Variants in CDK13 observed in about 807,000 individuals in gnomAD.
The protein encoded by CDK13 is cyclin dependent kinase 13.
Under a neutral mutation model 137.6 loss-of-function variants are expected in CDK13, and 40 were observed. The ratio of observed to expected loss-of-function variants is 0.29; its 90% CI spans 0.23 to 0.38. CDK13 has a LOEUF of 0.38. CDK13 is among the 10% of genes least tolerant of loss of function. The probability of loss-of-function intolerance (pLI) is 1.00; values close to 1 mark genes in which losing one functional copy is unlikely to be tolerated. For missense variants in CDK13, 1,704 were observed against 1,951.8 expected, an observed-to-expected ratio of 0.87 and a Z score of 2.39; for synonymous variants, 869 against 760.1, an observed-to-expected ratio of 1.14 and a Z score of -2.36.
Position 39,950,871 on chromosome 7 carries a change from C to T in CDK13, c.230C>T (p.Ser77Phe), listed in dbSNP as rs1787141149. 2 of 1,367,618 alleles carry T rather than the reference C, an allele frequency of 1.5e-6. No homozygotes were observed. Among genetic ancestry groups the T allele is most frequent in the East Asian group, 3.1e-5 (1 of 32,746 alleles). 84.7% of individuals were successfully genotyped at this position (1,367,618 alleles called of 1,614,324 possible). The change falls in exon 1 of 14, where the codon TCC (serine) becomes TTC (phenylalanine). Residue 77 changes from serine to phenylalanine, a missense_variant. Ser to Phe is a radical substitution (Grantham distance 155, BLOSUM62 -2). Transcript: ENST00000181839. ...AAAAAAAAAA[S>F]SSCFSPGPPL... ...GCCGCAGCCGCCGCCGCCGCGGCCT[C>T]CTCCTCTTGCTTCAGCCCGGGCCCC...
intron 1 of CDK13, among the ~76,000 whole-genome samples, chr7:39,971,675 G>A (rs965385414): frequency 2.0e-5 from 3 of 150,674 alleles, no homozygotes; most frequent in African/African-American, 7.3e-5. Context: ...ACGAGGTCAG[G>A]AGTTCGAGAC....
chr7:40,094,740 T>C lies in CDK13; in HGVS notation c.4299T>C (p.Pro1433=). The C allele has an allele frequency of 6.2e-7, 1 of 1,614,118 alleles. No homozygotes were observed. Among genetic ancestry groups the C allele is most frequent in the Non-Finnish European group, 8.5e-7 (1 of 1,179,966 alleles). Residue 1433 remains proline, a synonymous_variant, in exon 14 of 14, where the codon CCT becomes CCC. Coordinates refer to ENST00000181839, the MANE Select transcript of CDK13 (RefSeq NM_003718.5). ...KDHRFEYSHG[P]IAVLANSSDP... is the part of the protein sequence containing the mutation. ...ATAGATTTGAATATAGCCATGGTCC[T>C]ATTGCAGTCCTGGCAAACAGCAGTG...
chr7:40,034,473 T>G (rs890032615), intron 5 of CDK13, among the ~76,000 whole-genome samples: 1 of 152,202 alleles, frequency 6.6e-6, no homozygotes, highest in Non-Finnish European at 1.5e-5. Flanking sequence ...TATATTTTAC[T>G]TTTCTTATTA....
chr7:40,022,802 G>A (rs981687108), intron 5 of CDK13, among the ~76,000 whole-genome samples: 8 of 151,148 alleles, frequency 5.3e-5, no homozygotes, highest in Non-Finnish European at 7.4e-5. Context: ...TTGTTTTCTA[G>A]CAATTACAGA....
intron 4 of CDK13, among the ~76,000 whole-genome samples, chr7:40,000,752 A>G (rs955559567): frequency 9.2e-5 from 14 of 152,240 alleles, no homozygotes; most frequent in Admixed American, 9.2e-4. Flanking sequence ...GGCATTCCAT[A>G]AAAATTAATA....
chr7:39,962,755 A>C (rs1188963034), intron 1 of CDK13, among the ~76,000 whole-genome samples: 1 of 151,556 alleles, frequency 6.6e-6, no homozygotes, highest in East Asian at 1.9e-4. Context: ...CTAGGCTTTT[A>C]GGTCTAACAT....
chr7:40,063,005 G>T lies in CDK13; in HGVS notation c.2703-18G>T. Reference sequence around the variant, plus strand: ...TTAAAATAGATCATTTGGTAATGACGGGTATTTTTTCCATTAGCTGTATCC... The same window carrying T: ...TTAAAATAGATCATTTGGTAATGACTGGTATTTTTTCCATTAGCTGTATCC... On this transcript the variant is annotated intron_variant, in intron 8 of 13. Transcript: ENST00000181839. 6.2e-7 allele frequency: 1 copy of T among 1,610,650 alleles called. No homozygotes were observed. The highest frequency in any genetic ancestry group is 1.1e-5 in the South Asian group (1 of 90,978).
At chr7:40,012,783 G>T (rs1441600867) in intron 5 of CDK13, among the ~76,000 whole-genome samples, 2 of 151,058 alleles carry the variant, frequency 1.3e-5, no homozygotes, top group African/African-American at 2.4e-5. Flanking sequence ...GCAGTGGTGG[G>T]CGCCTGTAAT....
At chr7:40,022,392 A>G (rs555346355) in intron 5 of CDK13, among the ~76,000 whole-genome samples, 32 of 152,298 alleles carry the variant, frequency 2.1e-4, no homozygotes, top group Admixed American at 6.5e-4. Context: ...TTCTCTTCCA[A>G]TACTCATACT....
chr7:39,976,323 T>TCTCTCTCTCTCTCTCTCTCACACACACA, intron 1 of CDK13, among the ~76,000 whole-genome samples: 17 of 39,570 alleles, frequency 4.3e-4, no homozygotes, highest in South Asian at 1.2e-3. Context: ...TCTCTCTCTC[T>TCTCTCTCTCTCTCTCTCTCACACACACA]CACACACACA....
chr7:39,976,710 A>G (rs866142858), intron 1 of CDK13, among the ~76,000 whole-genome samples: 3 of 152,160 alleles, frequency 2.0e-5, no homozygotes, highest in African/African-American at 7.2e-5. Flanking sequence ...TAGGCACAGT[A>G]AGAGATTAAC....
rs58010602 is a variant in CDK13, at chr7:40,024,645, G to GTTTTTTTTTTTTT, written c.2354-21170_2354-21158dup. On this transcript the variant is annotated intron_variant, in intron 5 of 13. Coordinates refer to ENST00000181839, the MANE Select transcript of CDK13 (RefSeq NM_003718.5). ...TCTTCCAAGATATCTGTAGCTCTGT[G>GTTTTTTTTTTTTT]TTTTTTTTTTTTTTTTTTTTTTTTT... Among the ~76,000 whole-genome samples the GTTTTTTTTTTTTT allele has an allele frequency of 3.8e-4, 19 of 50,280 alleles. 2 individuals carry two copies. The highest frequency in any genetic ancestry group is 1.6e-3 in the African/African-American group (19 of 11,966). The allele number at this position is 50,280 out of a possible 152,430, so 33.0% of individuals were successfully genotyped here.
rs150544209 is a variant in CDK13 at position 40,002,114 on chromosome 7, T to C, written c.2353+83T>C. On this transcript the variant is annotated intron_variant, in intron 5 of 13. Coordinates refer to ENST00000181839, the MANE Select transcript of CDK13 (RefSeq NM_003718.5). The stretch of plus-strand genomic sequence containing the variant: ...TGGAAATTTTTTTTATAGATGTGAC[T>C]ATTTGAGTAATTACAAACTATTGCT... The C allele has an allele frequency of 2.6e-4, 224 of 864,126 alleles. No homozygotes were observed. In the African/African-American group the frequency reaches 3.4e-3, roughly 13 times the overall value. The allele number at this position is 864,126 out of a possible 1,614,324, so 53.5% of individuals were successfully genotyped here.
chr7:39,966,508 A>T (rs562729553), intron 1 of CDK13, among the ~76,000 whole-genome samples: 15 of 152,004 alleles, frequency 9.9e-5, no homozygotes, highest in African/African-American at 3.6e-4. Context: ...TTAGCCATTC[A>T]TCTAATTTTT....
intron 5 of CDK13, among the ~76,000 whole-genome samples, chr7:40,016,802 C>G (rs1296845286): frequency 6.6e-6 from 1 of 152,036 alleles, no homozygotes; most frequent in Non-Finnish European, 1.5e-5. Flanking sequence ...TTAAACGATA[C>G]AAACTTTTTA....
rs199544234 is a variant in CDK13, at chr7:40,078,069, A to G, written c.2845A>G (p.Thr949Ala). The stretch of plus-strand genomic sequence containing the variant: ...TGTAATCAAACTACCATATTTCAAC[A>G]CCATGAAACCAAAGAAGCAATATCG... Reference protein sequence around the residue: ...PDVIKLPYFNTMKPKKQYRRK... With the variant: ...PDVIKLPYFNAMKPKKQYRRK... The change falls in exon 10 of 14, where the codon ACC (threonine) becomes GCC (alanine). Residue 949 changes from threonine to alanine, a missense_variant. This residue lies in a region of CDK13 where 130 missense variants were observed against 362.4 expected (regional missense o/e 0.36). Coordinates refer to ENST00000181839, the MANE Select transcript of CDK13 (RefSeq NM_003718.5). 4 of 1,604,372 alleles carry G rather than the reference A, an allele frequency of 2.5e-6. No homozygotes were observed. The highest frequency in any genetic ancestry group is 3.5e-5 in the Admixed American group (2 of 57,412).
rs17538188 is a variant in CDK13 at position 40,078,551 on chromosome 7, G to A, written c.2898-169G>A. 3.8e-3 allele frequency: 1,176 copies of A among 310,726 alleles called. 5 individuals are homozygous for A. Among genetic ancestry groups the A allele is most frequent in the Middle Eastern group, 7.6e-3 (8 of 1,048 alleles). 19.2% of individuals were successfully genotyped at this position (310,726 alleles called of 1,614,324 possible). On this transcript the variant is annotated intron_variant, in intron 10 of 13. Transcript: ENST00000181839. Reference sequence around the variant, plus strand: ...GAAATATTTATTCAAAGGAAAATTCGGATTTATTGAAGTAAAGTATTATGC... The same window carrying A: ...GAAATATTTATTCAAAGGAAAATTCAGATTTATTGAAGTAAAGTATTATGC...
intron 7 of CDK13, among the ~76,000 whole-genome samples, chr7:40,055,407 A>G (rs1486396244): frequency 6.6e-6 from 1 of 152,126 alleles, no homozygotes; most frequent in African/African-American, 2.4e-5. Context: ...CACCACAAGA[A>G]TGTAATTTGT....
At chr7:39,957,380 C>T (rs985269867) in intron 1 of CDK13, among the ~76,000 whole-genome samples, 1 of 147,570 alleles carries the variant, frequency 6.8e-6, no homozygotes, top group African/African-American at 2.4e-5. Context: ...GCTTAGTTGG[C>T]TGGCTGCCTT....
Sources: gnomAD v4.1 joint callset for allele counts (sites outside exome capture counted in the v4.1 genomes callset) on GRCh38, gnomAD v4.1.1 for gene constraint, gnomAD v4.1.1 regional missense constraint, MANE v1.5 for transcripts, NCBI Gene and HGNC (gene_info 2026-07-23, HGNC 2026-07-21) for gene names.